Variants in TVP23A observed in about 807,000 individuals in gnomAD.
TVP23A encodes trans-golgi network vesicle protein 23 homolog A.
Under a neutral mutation model 31.7 loss-of-function variants are expected in TVP23A, and 21 were observed. That is an observed-to-expected ratio of 0.66 (90% confidence interval 0.47 to 0.95). The LOEUF (loss-of-function observed/expected upper bound fraction) is 0.95, where lower values mean the gene tolerates loss of function less well. Among genes scored for constraint, TVP23A ranks in the 40% least tolerant of loss-of-function variants. TVP23A has a pLI of 0.00. For missense variants in TVP23A, 279 were observed against 255.6 expected (o/e 1.09, Z -0.62); for synonymous variants, 104 against 96.0 (o/e 1.08, Z -0.49).
intron 2 of TVP23A, among the ~76,000 whole-genome samples, chr16:10,807,686 A>C (rs921541803): frequency 6.6e-6 from 1 of 152,136 alleles, no homozygotes; most frequent in South Asian, 2.1e-4. Flanking sequence ...TGCTCTAAAG[A>C]GTGGGGTCAA....
intron 4 of TVP23A, 66 bp from the exon 5 acceptor site, chr16:10,773,507 TTTTCA>T (rs2031778397): frequency 5.3e-6 from 8 of 1,496,574 alleles, no homozygotes; most frequent in Non-Finnish European, 7.2e-6. Context: ...CGTGCTCACA[TTTTCA>T]TTTATTTTAT....
chr16:10,790,501 G>T (rs113752420), intron 2 of TVP23A, among the ~76,000 whole-genome samples: 1,811 of 152,160 alleles, frequency 0.012, 37 homozygotes, highest in African/African-American at 0.042. Context: ...TAGCCAGGAT[G>T]GTCTTGATCT....
In TVP23A at chr16:10,767,700, T is replaced by TA. The variant is rs1269099644; in HGVS notation, c.*1401_*1402insT. Reference sequence around the variant, plus strand: ...TGTGGAAGCTGCTGAATCAGTTCTCTGTAGGGCCCTGGAACCTGCATTTTC... The same window carrying TA: ...TGTGGAAGCTGCTGAATCAGTTCTCTAGTAGGGCCCTGGAACCTGCATTTTC... On this transcript the variant is annotated 3_prime_UTR_variant, in exon 8 of 8. Transcript: ENST00000299866. The surrounding 1 kb of genome is among the most constrained non-coding windows in gnomAD (Gnocchi z 4.6). The TA allele has an allele frequency of 1.1e-5, 6 of 550,824 alleles. No individual in the cohort carries two copies. The highest frequency in any genetic ancestry group is 3.8e-5 in the African/African-American group (2 of 52,928). The allele number at this position is 550,824 out of a possible 1,614,324, so 34.1% of individuals were successfully genotyped here.
chr16:10,782,328 G>A (rs2032476202), intron 2 of TVP23A, among the ~76,000 whole-genome samples: 1 of 152,024 alleles, frequency 6.6e-6, no homozygotes. Context: ...TTGTTTCCTG[G>A]CAGTCAGCTC....
At chr16:10,770,468 G>C (rs1166786177) in intron 6 of TVP23A, 137 bp from the exon 7 acceptor site, 1 of 881,892 alleles carries the variant, frequency 1.1e-6, no homozygotes, top group African/African-American at 1.7e-5. Context: ...GCATAAAGCA[G>C]TGCTGTTCAA....
chr16:10,758,749 G>A (rs1441336694), downstream of TVP23A, among the ~76,000 whole-genome samples: 1 of 152,182 alleles, frequency 6.6e-6, no homozygotes, highest in Non-Finnish European at 1.5e-5. Context: ...AATCTCTCCA[G>A]TTTTCAACAG....
At chr16:10,783,805 G>A (rs1170214532) in intron 2 of TVP23A, among the ~76,000 whole-genome samples, 8 of 152,214 alleles carry the variant, frequency 5.3e-5, no homozygotes. Context: ...AACCTTAAAT[G>A]TGTATTGCTT....
At chr16:10,814,129 T>G (rs1429928932) in intron 2 of TVP23A, among the ~76,000 whole-genome samples, 4 of 152,102 alleles carry the variant, frequency 2.6e-5, no homozygotes, top group Non-Finnish European at 4.4e-5. Flanking sequence ...GGTGCTATTT[T>G]AAATTCATGT....
intron 6 of TVP23A, among the ~76,000 whole-genome samples, chr16:10,770,868 C>CAAAAAAAAAAAAAAAA (rs376701429): frequency 2.3e-4 from 15 of 66,432 alleles, no homozygotes; most frequent in Admixed American, 1.1e-3. Context: ...ACTCCCATCT[C>CAAAAAAAAAAAAAAAA]AAAAAAAAAA....
At position 10,816,581 on chromosome 16, in the gene TVP23A, G is replaced by A. The variant is rs144356434; in HGVS notation, c.89+1522C>T. Among the ~76,000 whole-genome samples, 297 of 152,130 alleles carry A rather than the reference G, an allele frequency of 2.0e-3. 4 individuals are homozygous for A. The highest frequency in any genetic ancestry group is 6.7e-3 in the African/African-American group (278 of 41,514). ...ACTTCTGACCTCAAGTGATCTGCCC[G>A]CCTTGGCCTCCCAAAGTGCTGAGAT... On this transcript the variant is annotated intron_variant, in intron 2 of 7. Transcript: ENST00000299866.
chr16:10,818,396 TC>T lies in TVP23A; in HGVS notation c.9+88del. 4 of 1,537,076 alleles carry T rather than the reference TC, an allele frequency of 2.6e-6. No individual in the cohort carries two copies. The highest frequency in any genetic ancestry group is 3.5e-6 in the Non-Finnish European group (4 of 1,136,036). On this transcript the variant is annotated intron_variant, in intron 1 of 7. Transcript: ENST00000299866. This position sits in a 1 kb window ranked among gnomAD's most constrained non-coding sequence, Gnocchi z 4.7. ...CAGCCCAGCCCCAGGCCCCGGCGCATCCCTCCTCCTCCTCCCGGCTTCTCCA... is the reference window on the plus strand; with the variant it reads ...CAGCCCAGCCCCAGGCCCCGGCGCATCCTCCTCCTCCTCCCGGCTTCTCCA...
intron 2 of TVP23A, among the ~76,000 whole-genome samples, chr16:10,800,573 T>C (rs1374709466): frequency 3.3e-5 from 5 of 152,208 alleles, no homozygotes; most frequent in South Asian, 2.1e-4. Flanking sequence ...AATGGGAGAA[T>C]TGAGTGGTCA....
rs2030972622 is a variant in TVP23A at position 10,766,955 on chromosome 16, C to A, written c.*2147G>T. ...ACCCTATTTTCCTGACTCACTGGGC[C>A]ATATGGGCTCCCCATCTCCCACCAA... On this transcript the variant is annotated 3_prime_UTR_variant, in exon 8 of 8. Coordinates refer to ENST00000299866, the MANE Select transcript of TVP23A (RefSeq NM_001079512.4). This position sits in a 1 kb window ranked among gnomAD's most constrained non-coding sequence, Gnocchi z 4.8. The A allele has an allele frequency of 2.5e-6, 1 of 398,584 alleles. No homozygotes were observed. Among genetic ancestry groups the A allele is most frequent in the South Asian group, 1.3e-4 (1 of 7,858 alleles). 24.7% of individuals were successfully genotyped at this position (398,584 alleles called of 1,614,324 possible).
Position 10,788,881 on chromosome 16 carries a change from A to C in TVP23A, c.90-13785T>G, listed in dbSNP as rs975628459. Among the ~76,000 whole-genome samples the C allele has an allele frequency of 3.3e-5, 5 of 152,182 alleles. No homozygotes were observed. The South Asian group carries it at 1.0e-3, about 32-fold the overall frequency. On this transcript the variant is annotated intron_variant, in intron 2 of 7. Coordinates refer to ENST00000299866, the MANE Select transcript of TVP23A (RefSeq NM_001079512.4). ...CAAAGGAGTGTCCTTCTCCTTGAAC[A>C]CAGTGTTTGCAGATAAGAGAGCAGG...
chr16:10,789,126 A>C (rs1267076548), intron 2 of TVP23A, among the ~76,000 whole-genome samples: 1 of 152,152 alleles, frequency 6.6e-6, no homozygotes, highest in Non-Finnish European at 1.5e-5. Context: ...CCGTGCCCGG[A>C]CAAGAGCAAG....
At chr16:10,810,213 C>T (rs2034131191) in intron 2 of TVP23A, among the ~76,000 whole-genome samples, 1 of 150,548 alleles carries the variant, frequency 6.6e-6, no homozygotes. Context: ...GAAGGTGTTT[C>T]TAGGAAAAAA....
rs978146430 is a variant in TVP23A, at chr16:10,818,571, G to A, written c.-78C>T. On this transcript the variant is annotated 5_prime_UTR_variant, in exon 1 of 8. Coordinates refer to ENST00000299866, the MANE Select transcript of TVP23A (RefSeq NM_001079512.4). The surrounding 1 kb of genome is among the most constrained non-coding windows in gnomAD (Gnocchi z 4.7). ...GTCGCCGCTGAAGGGGTCGGACGCCGGGCGGGCGGATGTAGGCAGCAGACG... is the reference window on the plus strand; with the variant it reads ...GTCGCCGCTGAAGGGGTCGGACGCCAGGCGGGCGGATGTAGGCAGCAGACG... 20 of 1,539,468 alleles carry A rather than the reference G, an allele frequency of 1.3e-5. No homozygotes were observed. Among genetic ancestry groups the A allele is most frequent in the African/African-American group, 2.8e-5 (2 of 72,164 alleles).
intron 2 of TVP23A, among the ~76,000 whole-genome samples, chr16:10,803,295 G>A (rs1429077563): frequency 1.3e-5 from 2 of 150,662 alleles, no homozygotes; most frequent in African/African-American, 2.5e-5. Context: ...GTCAGAGTCT[G>A]GGCGACAGAG....
At chr16:10,785,222 T>G (rs2032679749) in intron 2 of TVP23A, among the ~76,000 whole-genome samples, 1 of 151,506 alleles carries the variant, frequency 6.6e-6, no homozygotes, top group Non-Finnish European at 1.5e-5. Flanking sequence ...CTGGCCAACA[T>G]GGTGAAACCT....
Sources: gnomAD v4.1 joint callset for allele counts (sites outside exome capture counted in the v4.1 genomes callset) on GRCh38, gnomAD v4.1.1 for gene constraint, Gnocchi (gnomAD v3.1) non-coding constraint, MANE v1.5 for transcripts, NCBI Gene and HGNC (gene_info 2026-07-23, HGNC 2026-07-21) for gene names.